CDH23: variants seen among roughly 807,000 people sequenced by gnomAD.
CDH23 encodes cadherin-23.
In CDH23, 189 loss-of-function variants were observed where a neutral mutation model predicts 317.1. The ratio of observed to expected loss-of-function variants is 0.60; its 90% CI spans 0.53 to 0.67. The LOEUF (loss-of-function observed/expected upper bound fraction) is 0.67. CDH23 is among the 30% of genes least tolerant of loss of function. The pLI is 0.00. For missense variants in CDH23, 4,401 were observed against 4,592.4 expected (o/e 0.96, Z 1.20); for synonymous variants, 1,839 against 1,876.8 (o/e 0.98, Z 0.52).
chr10:71,405,090 G>A (rs1848033516), intron 1 of CDH23, among the ~76,000 whole-genome samples: 2 of 152,216 alleles, frequency 1.3e-5, no homozygotes, highest in African/African-American at 4.8e-5. Context: ...GAGGAATGCT[G>A]GCTTTCCCTG....
chr10:71,587,376 G>C (rs963980697), intron 9 of CDH23, among the ~76,000 whole-genome samples: 3 of 152,184 alleles, frequency 2.0e-5, no homozygotes, highest in Non-Finnish European at 2.9e-5. Context: ...TAGCCAGTGA[G>C]TACTTATTGA....
Position 71,803,093 on chromosome 10 carries a change from G to A in CDH23, c.7660+18G>A, listed in dbSNP as rs1050333053. ...TGGCGTGGGTATGTGGCCTTCCTTG[G>A]ACACCCATGATGTCTTGGGGGGTGG... On this transcript the variant is annotated intron_variant, in intron 54 of 69. Transcript: ENST00000224721. 32 of 1,585,314 alleles carry A rather than the reference G, an allele frequency of 2.0e-5. No homozygotes were observed. The highest frequency in any genetic ancestry group is 2.8e-5 in the Non-Finnish European group (32 of 1,156,600).
chr10:71,790,546 A>G (rs915639261), intron 46 of CDH23, 133 bp downstream of exon 46: 11 of 1,210,512 alleles, frequency 9.1e-6, no homozygotes, highest in Middle Eastern at 5.1e-4. Flanking sequence ...CACAGCCCAG[A>G]GTCCCCATCT....
At chr10:71,648,510 T>C (rs555858209) in intron 14 of CDH23, among the ~76,000 whole-genome samples, 12 of 152,290 alleles carry the variant, frequency 7.9e-5, no homozygotes, top group Admixed American at 7.2e-4. Flanking sequence ...GGGACAGAGT[T>C]TCCTCACTTC....
intron 12 of CDH23, among the ~76,000 whole-genome samples, chr10:71,644,978 G>A (rs1862758609): frequency 6.6e-6 from 1 of 152,238 alleles, no homozygotes; most frequent in Non-Finnish European, 1.5e-5. Context: ...ACCTCAGGGA[G>A]TCAGTAAGCT....
intron 11 of CDH23, among the ~76,000 whole-genome samples, chr10:71,633,939 C>A (rs1277922143): frequency 6.6e-6 from 1 of 152,260 alleles, no homozygotes; most frequent in Non-Finnish European, 1.5e-5. Flanking sequence ...CAGTGGAATA[C>A]AAAGCGGTGT....
At chr10:71,812,435 T>C in intron 66 of CDH23, 45 bp from the exon 67 acceptor site, 1 of 1,611,426 alleles carries the variant, frequency 6.2e-7, no homozygotes, top group Non-Finnish European at 8.5e-7. Flanking sequence ...ACCTGTCTAC[T>C]CGAGCCTTCC....
At chr10:71,446,602 C>T (rs557193960) in intron 3 of CDH23, among the ~76,000 whole-genome samples, 1 of 152,332 alleles carries the variant, frequency 6.6e-6, no homozygotes, top group East Asian at 1.9e-4. Flanking sequence ...GGGTTTATCA[C>T]ATTGAGCCTC....
chr10:71,733,547 A>G (rs1839460662), intron 32 of CDH23, among the ~76,000 whole-genome samples: 1 of 152,214 alleles, frequency 6.6e-6, no homozygotes, highest in Non-Finnish European at 1.5e-5. Context: ...CACCTAGGAA[A>G]TGCCAGGGGA....
intron 32 of CDH23, among the ~76,000 whole-genome samples, chr10:71,733,516 A>G (rs996115532): frequency 6.6e-6 from 1 of 152,150 alleles, no homozygotes; most frequent in Non-Finnish European, 1.5e-5. Flanking sequence ...GAGTTGCCTC[A>G]TTAGAACAAA....
rs181197242 is a variant in CDH23 at position 71,799,188 on chromosome 10, G to A, written c.7132G>A (p.Gly2378Arg). The change falls in exon 51 of 70, where the codon GGG becomes AGG. Residue 2378 changes from glycine to arginine, a missense_variant. By Grantham distance (125) the Gly-to-Arg change is moderately radical (BLOSUM62 -2). Coordinates refer to ENST00000224721, the MANE Select transcript of CDH23 (RefSeq NM_022124.6). ...CTTTACCGTGAGGGCCTCAGACAAC[G>A]GGTCCCCGCCCCGGGCAGCTGAGAT... ...LNFTVRASDN[G>R]SPPRAAEIPV... 19 of 1,614,014 alleles carry A rather than the reference G, an allele frequency of 1.2e-5. No individual in the cohort carries two copies. Among genetic ancestry groups the A allele is most frequent in the Admixed American group, 1.0e-4 (6 of 60,028 alleles).
chr10:71,749,779 A>AG (rs1359504954), intron 38 of CDH23: 1 of 152,366 alleles, frequency 6.6e-6, no homozygotes, highest in Non-Finnish European at 1.5e-5. Context: ...CACTGCTGCC[A>AG]GGCAGCCTAG....
At chr10:71,708,986 C>T (rs867858041) in intron 26 of CDH23, 112 bp from the exon 27 acceptor site, 5 of 941,970 alleles carry the variant, frequency 5.3e-6, no homozygotes, top group Middle Eastern at 3.1e-4. Flanking sequence ...AGCAGCACAG[C>T]CTCCCACTCC....
intron 3 of CDH23, among the ~76,000 whole-genome samples, chr10:71,487,730 C>G (rs761448126): frequency 2.0e-5 from 3 of 152,094 alleles, no homozygotes; most frequent in Non-Finnish European, 4.4e-5. Flanking sequence ...GAGTTTGTTT[C>G]CACCCCCTGG....
rs1052484950 is a variant in CDH23, at chr10:71,812,511, C to T, written c.9412C>T (p.Arg3138Trp). The T allele has an allele frequency of 2.5e-5, 35 of 1,383,922 alleles. No individual in the cohort carries two copies. The East Asian group carries it at 3.8e-4, about 15-fold the overall frequency. 85.7% of individuals were successfully genotyped at this position (1,383,922 alleles called of 1,614,324 possible). Residue 3138 changes from arginine to tryptophan, a missense_variant, in exon 67 of 70, where the codon CGG becomes TGG. Physicochemically the swap from Arg to Trp is moderately radical, Grantham distance 101. Transcript: ENST00000224721. ...ANPVWLDPFC[R>W]NLELAAQAEH... ...CCCTGTGTGGCTGGATCCCTTCTGT[C>T]GGAACCTGGAGCTGGCCGCCCAGGC...
intron 41 of CDH23, among the ~76,000 whole-genome samples, chr10:71,782,911 G>A (rs188678768): frequency 6.6e-6 from 1 of 152,370 alleles, no homozygotes; most frequent in Non-Finnish European, 1.5e-5. Flanking sequence ...GTGGGACTGA[G>A]AGGGGCTGTT....
chr10:71,514,755 C>T (rs578161717), intron 6 of CDH23, among the ~76,000 whole-genome samples: 2 of 151,868 alleles, frequency 1.3e-5, no homozygotes, highest in Non-Finnish European at 2.9e-5. Context: ...GCTTTCAAGT[C>T]CATAAAGAAA....
chr10:71,487,723 T>G (rs1182114536), intron 3 of CDH23, among the ~76,000 whole-genome samples: 2 of 151,988 alleles, frequency 1.3e-5, no homozygotes, highest in Admixed American at 6.5e-5. Flanking sequence ...TTATTTAGAG[T>G]TTGTTTCCAC....
intron 3 of CDH23, among the ~76,000 whole-genome samples, chr10:71,495,053 G>A (rs968864886): frequency 6.6e-6 from 1 of 152,176 alleles, no homozygotes; most frequent in African/African-American, 2.4e-5. Context: ...CTGCCCCTGA[G>A]TGGGGGCAGG....
Sources: allele counts gnomAD v4.1 joint callset (sites outside exome capture counted in the v4.1 genomes callset), GRCh38; gene constraint gnomAD v4.1.1; transcripts MANE v1.5; gene names NCBI Gene and HGNC (gene_info 2026-07-23, HGNC 2026-07-21).